Variants in INPP4B observed in about 807,000 individuals in gnomAD.
INPP4B encodes the protein inositol polyphosphate-4-phosphatase type II B, also known as inositol polyphosphate 4-phosphatase type II.
Under a neutral mutation model 122.5 loss-of-function variants are expected in INPP4B, and 55 were observed. The ratio of observed to expected loss-of-function variants is 0.45; its 90% CI spans 0.36 to 0.56. The LOEUF is 0.56. Ranked by LOEUF, INPP4B falls within the 20% of genes least tolerant of loss-of-function variation. INPP4B has a pLI of 0.00. For synonymous variants in INPP4B, 403 were observed against 388.7 expected (o/e 1.04, Z -0.43); for missense variants, 1,000 against 1,097.7 (o/e 0.91, Z 1.26).
chr4:142,360,456 A>C (rs1579842966), intron 7 of INPP4B, among the ~76,000 whole-genome samples: 1 of 152,026 alleles, frequency 6.6e-6, no homozygotes, highest in South Asian at 2.1e-4. Flanking sequence ...AAGCAAACAC[A>C]GTTGAGACCT....
chr4:142,337,403 G>T (rs1488793767), intron 7 of INPP4B, among the ~76,000 whole-genome samples: 2 of 151,544 alleles, frequency 1.3e-5, no homozygotes, highest in East Asian at 3.9e-4. Context: ...TTTCAAAATG[G>T]TTATATTATT....
chr4:142,784,659 C>T (rs1364856802), intron 1 of INPP4B, among the ~76,000 whole-genome samples: 3 of 152,032 alleles, frequency 2.0e-5, no homozygotes, highest in Non-Finnish European at 4.4e-5. Context: ...TAAGAAGACC[C>T]CACAAGTTGG....
At chr4:142,842,451 C>A (rs371996099) in intron 1 of INPP4B, among the ~76,000 whole-genome samples, 4 of 148,096 alleles carry the variant, frequency 2.7e-5, no homozygotes, top group East Asian at 1.9e-4. Context: ...CCATTGATAG[C>A]AAGATACTTC....
intron 25 of INPP4B, among the ~76,000 whole-genome samples, chr4:142,078,465 CT>C (rs769904742): frequency 9.2e-5 from 14 of 151,958 alleles, no homozygotes; most frequent in Non-Finnish European, 1.9e-4. Flanking sequence ...TCACGTATTC[CT>C]TTATTGTATA....
chr4:142,122,361 C>A, intron 20 of INPP4B, 116 bp from the exon 21 acceptor site: 1 of 773,472 alleles, frequency 1.3e-6, no homozygotes, highest in Non-Finnish European at 2.2e-6. Context: ...TTTCTGAATG[C>A]AGTGAACCTA....
At chr4:142,626,713 A>G (rs1311073831) in intron 2 of INPP4B, among the ~76,000 whole-genome samples, 1 of 151,934 alleles carries the variant, frequency 6.6e-6, no homozygotes, top group Non-Finnish European at 1.5e-5. Flanking sequence ...AGTTTGTAAG[A>G]ATTTGCTACC....
intron 25 of INPP4B, among the ~76,000 whole-genome samples, chr4:142,079,661 T>A (rs1036704725): frequency 6.6e-6 from 1 of 152,076 alleles, no homozygotes; most frequent in Non-Finnish European, 1.5e-5. Flanking sequence ...TAGATATGCA[T>A]TAGCATCAAA....
chr4:142,245,498 T>C (rs1239768877), intron 11 of INPP4B, among the ~76,000 whole-genome samples: 1 of 152,072 alleles, frequency 6.6e-6, no homozygotes. Flanking sequence ...CAGTATTTTA[T>C]TGAGGATTTT....
intron 11 of INPP4B, among the ~76,000 whole-genome samples, chr4:142,248,209 T>A (rs559186312): frequency 2.0e-5 from 3 of 152,252 alleles, no homozygotes; most frequent in South Asian, 4.1e-4. Flanking sequence ...ATGGATTACA[T>A]CTATATCCAG....
intron 7 of INPP4B, chr4:142,383,927 T>C: frequency 3.4e-6 from 2 of 583,172 alleles, no homozygotes; most frequent in Non-Finnish European, 6.1e-6. Flanking sequence ...TGTCCAGCTA[T>C]TTCACAAGAA....
intron 7 of INPP4B, among the ~76,000 whole-genome samples, chr4:142,377,785 G>GA (rs1325016951): frequency 2.0e-5 from 3 of 151,982 alleles, no homozygotes; most frequent in East Asian, 1.9e-4. Flanking sequence ...AATAAATACA[G>GA]AAAAAATAAG....
At chr4:142,582,723 G>A (rs1257609795) in intron 2 of INPP4B, among the ~76,000 whole-genome samples, 1 of 152,140 alleles carries the variant, frequency 6.6e-6, no homozygotes, top group East Asian at 1.9e-4. Flanking sequence ...GCCACTCACT[G>A]GAAGCACAGT....
At chr4:142,835,384 T>C (rs373038270) in intron 1 of INPP4B, among the ~76,000 whole-genome samples, 3 of 152,330 alleles carry the variant, frequency 2.0e-5, no homozygotes. Context: ...TTTTAATAAG[T>C]AAATTTGTTC....
intron 25 of INPP4B, among the ~76,000 whole-genome samples, chr4:142,046,928 C>T (rs3775605): frequency 0.64 from 97,480 of 151,888 alleles, 36,529 homozygotes; most frequent in Non-Finnish European, 0.82. Flanking sequence ...GCTCACCTTA[C>T]AAGGCTTATA....
intron 2 of INPP4B, among the ~76,000 whole-genome samples, chr4:142,713,766 T>G (rs1763406653): frequency 1.3e-5 from 2 of 152,198 alleles, no homozygotes; most frequent in South Asian, 4.1e-4. Context: ...AGGAAATATG[T>G]GCTGGCCTCT....
intron 18 of INPP4B, among the ~76,000 whole-genome samples, chr4:142,132,291 C>G (rs945792439): frequency 1.3e-5 from 2 of 151,550 alleles, no homozygotes; most frequent in African/African-American, 4.8e-5. Flanking sequence ...TTGGAGAGAG[C>G]AGAGGCAATG....
intron 7 of INPP4B, among the ~76,000 whole-genome samples, chr4:142,374,316 T>A (rs1254257287): frequency 2.6e-5 from 4 of 151,968 alleles, no homozygotes. Context: ...AGGCCATTGT[T>A]CTAAGCAAAG....
Position 142,543,483 on chromosome 4 carries a change from C to T in INPP4B, c.-190-80757G>A, listed in dbSNP as rs528325447. ...AATGAAACGAAACTTTACTTTCTGA[C>T]GGAGCTAAATCCATTAGTAAAATTT... is the stretch of plus-strand genomic sequence containing the variant. On this transcript the variant is annotated intron_variant, in intron 2 of 25. Transcript: ENST00000262992. Among the ~76,000 whole-genome samples the T allele has an allele frequency of 4.0e-4, 61 of 152,150 alleles. 1 individual carries two copies. In the South Asian group the frequency reaches 9.3e-3, roughly 23 times the overall value.
chr4:142,758,289 G>T (rs1305294599), intron 1 of INPP4B, among the ~76,000 whole-genome samples: 1 of 152,014 alleles, frequency 6.6e-6, no homozygotes, highest in African/African-American at 2.4e-5. Context: ...GAATAGTTAA[G>T]GTTTGACATG....
Sources: allele counts gnomAD v4.1 joint callset (sites outside exome capture counted in the v4.1 genomes callset), GRCh38; gene constraint gnomAD v4.1.1; transcripts MANE v1.5; gene names NCBI Gene and HGNC (gene_info 2026-07-23, HGNC 2026-07-21).